Variants in CEP57 observed in about 807,000 individuals in gnomAD.
CEP57 encodes the protein centrosomal protein of 57 kDa.
A neutral mutation model predicts 68.0 loss-of-function variants in CEP57; 40 were observed. That is an observed-to-expected ratio of 0.59 (90% CI 0.46 to 0.77). CEP57 has a LOEUF of 0.77. Ranked by LOEUF, CEP57 falls within the 30% of genes least tolerant of loss-of-function variation. CEP57 has a pLI of 0.00. For synonymous variants in CEP57, 219 were observed against 198.7 expected (o/e 1.10, Z -0.86); for missense variants, 606 against 580.7 (o/e 1.04, Z -0.45).
intron 8 of CEP57, chr11:95,822,988 T>C (rs975108814): frequency 4.1e-6 from 1 of 241,540 alleles, no homozygotes; most frequent in Non-Finnish European, 8.3e-6. Context: ...AGATCATTTC[T>C]AGGACTAATT....
intron 3 of CEP57, 103 bp from the exon 4 acceptor site, chr11:95,813,365 G>A (rs926935279): frequency 7.2e-7 from 1 of 1,381,238 alleles, no homozygotes. Context: ...GTCTGTGGAA[G>A]GTGTTTTTAT....
At chr11:95,802,836 A>G (rs1861638875) in intron 2 of CEP57, among the ~76,000 whole-genome samples, 2 of 152,206 alleles carry the variant, frequency 1.3e-5, no homozygotes, top group African/African-American at 2.4e-5. Context: ...CAATGTGCCT[A>G]TGCCCCATAT....
intron 7 of CEP57, 35 bp downstream of exon 7, chr11:95,822,013 A>AT: frequency 7.2e-7 from 1 of 1,387,332 alleles, no homozygotes; most frequent in Non-Finnish European, 1.0e-6. Context: ...CAAAATGCTG[A>AT]TTACTTGGTA....
At chr11:95,808,023 G>C (rs535526973) in intron 2 of CEP57, among the ~76,000 whole-genome samples, 2 of 152,028 alleles carry the variant, frequency 1.3e-5, no homozygotes, top group Non-Finnish European at 2.9e-5. Context: ...CAGATCTCTC[G>C]GCAGAAACTA....
intron 2 of CEP57, among the ~76,000 whole-genome samples, chr11:95,811,773 A>G (rs986574672): frequency 1.3e-5 from 2 of 152,194 alleles, no homozygotes; most frequent in Non-Finnish European, 2.9e-5. Context: ...TTATACTTTG[A>G]TGGAAATGGA....
intron 5 of CEP57, among the ~76,000 whole-genome samples, chr11:95,818,608 T>C (rs2135341228): frequency 6.6e-6 from 1 of 152,254 alleles, no homozygotes; most frequent in African/African-American, 2.4e-5. Flanking sequence ...CCATAGATTT[T>C]ACCCATAATT....
intron 1 of CEP57, among the ~76,000 whole-genome samples, chr11:95,792,547 G>A (rs1861135448): frequency 6.6e-6 from 1 of 152,230 alleles, no homozygotes; most frequent in Non-Finnish European, 1.5e-5. Flanking sequence ...GTGAGCATTG[G>A]CACTGGGATA....
chr11:95,808,172 G>A (rs934286017), intron 2 of CEP57, among the ~76,000 whole-genome samples: 6 of 152,078 alleles, frequency 3.9e-5, no homozygotes, highest in Non-Finnish European at 5.9e-5. Flanking sequence ...AATGCTGAGA[G>A]ATTTTGTTAC....
intron 7 of CEP57, 43 bp from the exon 8 acceptor site, chr11:95,822,456 C>T (rs1862556124): frequency 6.8e-7 from 1 of 1,466,326 alleles, no homozygotes; most frequent in Admixed American, 1.7e-5. Flanking sequence ...TTTTTATTAT[C>T]ATGTGAATAA....
At chr11:95,793,518 T>G (rs1861197202) in intron 1 of CEP57, among the ~76,000 whole-genome samples, 1 of 150,072 alleles carries the variant, frequency 6.7e-6, no homozygotes, top group South Asian at 2.1e-4. Flanking sequence ...ATTTACTTTT[T>G]GAGAATAATA....
intron 8 of CEP57, among the ~76,000 whole-genome samples, chr11:95,825,422 G>A (rs927568467): frequency 6.6e-6 from 1 of 152,160 alleles, no homozygotes; most frequent in African/African-American, 2.4e-5. Flanking sequence ...AGAAATTAAA[G>A]AGTCAGTAGA....
intron 2 of CEP57, among the ~76,000 whole-genome samples, chr11:95,809,521 A>G (rs1861957014): frequency 6.6e-6 from 1 of 152,256 alleles, no homozygotes; most frequent in Non-Finnish European, 1.5e-5. Context: ...AGGAGATATC[A>G]CTACCAATCC....
At chr11:95,816,899 T>C (rs1415158203) in intron 4 of CEP57, among the ~76,000 whole-genome samples, 1 of 151,580 alleles carries the variant, frequency 6.6e-6, no homozygotes, top group African/African-American at 2.4e-5. Context: ...TAATCCCAGC[T>C]ACTCAGGAGG....
chr11:95,822,439 T>C, intron 7 of CEP57, 60 bp from the exon 8 acceptor site: 1 of 1,293,286 alleles, frequency 7.7e-7, no homozygotes, highest in Non-Finnish European at 1.1e-6. Flanking sequence ...TAGTCATGTA[T>C]AGTCAGTTTT....
intron 2 of CEP57, among the ~76,000 whole-genome samples, chr11:95,806,125 G>C (rs1861788445): frequency 6.6e-6 from 1 of 152,056 alleles, no homozygotes; most frequent in Non-Finnish European, 1.5e-5. Context: ...GCTTTTCAGA[G>C]TTCAAAAGAA....
At chr11:95,799,097 ATTGTAT>A (rs1861465327) in intron 1 of CEP57, 129 bp from the exon 2 acceptor site, 1 of 821,048 alleles carries the variant, frequency 1.2e-6, no homozygotes, top group Non-Finnish European at 2.0e-6. Flanking sequence ...TAATGATTGA[ATTGTAT>A]TGTTTCTAGT....
chr11:95,800,516 C>G (rs1295428152), intron 2 of CEP57, among the ~76,000 whole-genome samples: 1 of 152,062 alleles, frequency 6.6e-6, no homozygotes, highest in East Asian at 1.9e-4. Context: ...ATTCTCTTGC[C>G]TCAGCCTCCT....
intron 10 of CEP57, among the ~76,000 whole-genome samples, chr11:95,830,188 G>T (rs946400098): frequency 6.6e-6 from 1 of 152,172 alleles, no homozygotes; most frequent in African/African-American, 2.4e-5. Flanking sequence ...TATAGATGAG[G>T]TAGATGCTAA....
At chr11:95,796,901 C>G (rs1177321424) in intron 1 of CEP57, among the ~76,000 whole-genome samples, 1 of 152,152 alleles carries the variant, frequency 6.6e-6, no homozygotes, top group African/African-American at 2.4e-5. Context: ...AACTCAGAAA[C>G]AGCCAAATGG....
Sources: allele counts gnomAD v4.1 joint callset (sites outside exome capture counted in the v4.1 genomes callset), GRCh38; gene constraint gnomAD v4.1.1; transcripts MANE v1.5; gene names NCBI Gene and HGNC (gene_info 2026-07-23, HGNC 2026-07-21).